Variants in SLC12A3 observed in about 807,000 individuals in gnomAD.
SLC12A3 encodes Na-Cl cotransporter.
In SLC12A3, 104 loss-of-function variants were observed where a neutral mutation model predicts 121.0. The observed-to-expected ratio is 0.86, with a 90% confidence interval of 0.73 to 1.01. SLC12A3 has a LOEUF of 1.01. SLC12A3 is among the 50% of genes least tolerant of loss of function. The pLI is 0.00. For synonymous variants in SLC12A3, 536 were observed against 533.4 expected (o/e 1.00, Z -0.07); for missense variants, 1,328 against 1,356.3 (o/e 0.98, Z 0.33).
chr16:56,882,575 G>T, intron 13 of SLC12A3, 78 bp downstream of exon 13: 1 of 1,105,594 alleles, frequency 9.0e-7, no homozygotes, highest in East Asian at 2.3e-5. Context: ...GGGAGTGGGA[G>T]GCATGGGTGG....
chr16:56,902,591 C>A, intron 24 of SLC12A3, 83 bp downstream of exon 24: 3 of 1,544,060 alleles, frequency 1.9e-6, no homozygotes, highest in Non-Finnish European at 2.7e-6. Context: ...CTCCCCCAGC[C>A]CCTCCCCTCG....
intron 17 of SLC12A3, 98 bp from the exon 18 acceptor site, chr16:56,887,827 G>C: frequency 3.1e-6 from 1 of 319,180 alleles, no homozygotes; most frequent in East Asian, 4.8e-5. Flanking sequence ...TTGAGAATCA[G>C]CACATCTGGA....
intron 14 of SLC12A3, 38 bp downstream of exon 14, chr16:56,884,242 C>A (rs770405709): frequency 1.9e-6 from 3 of 1,611,374 alleles, no homozygotes; most frequent in Non-Finnish European, 1.7e-6. Context: ...CCCTCCTCCC[C>A]CAGGGTAGCC....
rs143714318 is a variant in SLC12A3, at chr16:56,868,317, T to C, written c.450T>C (p.Ile150=). The C allele has an allele frequency of 9.9e-6, 16 of 1,613,952 alleles. No individual in the cohort carries two copies. The Admixed American group carries it at 1.2e-4, about 12-fold the overall frequency. ...KGVMIRCMLN[I]WGVILYLRLP... The stretch of plus-strand genomic sequence containing the variant: ...CCCAGATTCGTTGCATGCTCAACAT[T>C]TGGGGCGTGATCCTCTACCTGCGGC... Residue 150 remains isoleucine (I), a synonymous_variant, in exon 3 of 26, where the codon ATT becomes ATC. Coordinates refer to ENST00000563236, the MANE Select transcript of SLC12A3 (RefSeq NM_001126108.2).
chr16:56,910,992 T>G (rs2055677194), intron 25 of SLC12A3, among the ~76,000 whole-genome samples: 2 of 151,904 alleles, frequency 1.3e-5, no homozygotes, highest in African/African-American at 2.4e-5. Flanking sequence ...CTCGGACAGG[T>G]GGACAGGCTG....
At chr16:56,884,317 G>GCCCC in intron 14 of SLC12A3, 113 bp downstream of exon 14, 1 of 997,408 alleles carries the variant, frequency 1.0e-6, no homozygotes, top group Non-Finnish European at 1.5e-6. Context: ...GCTGTCCAGG[G>GCCCC]CCCCTCTCTG....
At position 56,867,121 on chromosome 16, in the gene SLC12A3, G is replaced by T. The variant is rs200219778; in HGVS notation, c.334G>T (p.Glu112Ter). 1.2e-5 allele frequency: 20 copies of T among 1,613,916 alleles called. No individual in the cohort carries two copies. The highest frequency in any genetic ancestry group is 1.6e-5 in the Non-Finnish European group (19 of 1,180,040). The change falls in exon 2 of 26, where the codon GAG becomes TAG. Residue 112 changes from glutamate to a stop codon, truncating the protein, a stop_gained. Coordinates refer to ENST00000563236, the MANE Select transcript of SLC12A3 (RefSeq NM_001126108.2). LOFTEE classifies it high-confidence loss of function. The stretch of plus-strand genomic sequence containing the variant: ...GGCCTTTGACAGCCGGCCCAGCCAC[G>T]AGATGACTGATGGGCTGGTGGAGGG... The part of the protein sequence containing the change: ...ALAFDSRPSH[E>*]MTDGLVEGEA...
intron 24 of SLC12A3, 23 bp downstream of exon 24, chr16:56,902,531 G>GGGGGGGGGCCCCC: frequency 1.4e-6 from 1 of 714,560 alleles, no homozygotes; most frequent in Non-Finnish European, 2.4e-6. Context: ...GTGGGGGTGG[G>GGGGGGGGGCCCCC]AAACGCGACA....
chr16:56,899,457 C>G, intron 22 of SLC12A3, 73 bp from the exon 23 acceptor site: 1 of 1,211,418 alleles, frequency 8.3e-7, no homozygotes, highest in South Asian at 1.2e-5. Flanking sequence ...CCACTGCACT[C>G]CAGCCTGGGA....
At chr16:56,869,988 C>A (rs2055069867) in intron 4 of SLC12A3, 108 bp from the exon 5 acceptor site, 29 of 1,474,890 alleles carry the variant, frequency 2.0e-5, no homozygotes, top group Non-Finnish European at 2.6e-5. Context: ...TCAGCTATCT[C>A]CTGCCCCGTG....
chr16:56,865,603 A>T (rs1312264775), intron 1 of SLC12A3, 86 bp downstream of exon 1: 8 of 1,440,298 alleles, frequency 5.6e-6, no homozygotes, highest in Middle Eastern at 3.7e-4. Context: ...CAGTTCTGTC[A>T]TCTGTGCCAT....
chr16:56,887,048 T>A lies in SLC12A3; in HGVS notation c.2133T>A (p.Asp711Glu). The A allele has an allele frequency of 6.2e-7, 1 of 1,614,024 alleles. No individual in the cohort carries two copies. Among genetic ancestry groups the A allele is most frequent in the Non-Finnish European group, 8.5e-7 (1 of 1,180,024 alleles). ...GGAAGATCAAGGCCTTCTACTCGGA[T>A]GTCATTGCCGAGGACCTCCGCAGAG... is the stretch of plus-strand genomic sequence containing the variant. ...NKRKIKAFYS[D>E]VIAEDLRRGV... The change falls in exon 17 of 26, where the codon GAT becomes GAA. Residue 711 changes from aspartate (D) to glutamate (E), a missense_variant. Asp to Glu is a conservative substitution (Grantham distance 45, BLOSUM62 2). Transcript: ENST00000563236.
Position 56,913,569 on chromosome 16 carries a change from C to T in SLC12A3, c.*164C>T. On this transcript the variant is annotated 3_prime_UTR_variant, in exon 26 of 26. Coordinates refer to ENST00000563236, the MANE Select transcript of SLC12A3 (RefSeq NM_001126108.2). ...TGGTAGATTTCCAAATCTGGCTGGA[C>T]TCCACTTCCATGGGACACATTCCCT... 1.3e-6 allele frequency: 1 copy of T among 753,184 alleles called. No homozygotes were observed. The highest frequency in any genetic ancestry group is 2.3e-6 in the Non-Finnish European group (1 of 426,052). The allele number at this position is 753,184 out of a possible 1,614,324, so 46.7% of individuals were successfully genotyped here.
rs540004549 is a variant in SLC12A3, at chr16:56,915,435, T to A, written c.*2030T>A. On this transcript the variant is annotated 3_prime_UTR_variant, in exon 26 of 26. Coordinates refer to ENST00000563236, the MANE Select transcript of SLC12A3 (RefSeq NM_001126108.2). ...AGAAGGCTTGGGGCTCCCAGGCTGC[T>A]CTGAAGCCCCACTGTCTGACCGCCT... 1.3e-5 allele frequency: 2 copies of A among 152,264 alleles called. No homozygotes were observed. The highest frequency in any genetic ancestry group is 1.3e-4 in the Admixed American group (2 of 15,286). 9.4% of individuals were successfully genotyped at this position (152,264 alleles called of 1,614,324 possible). A position where few individuals can be genotyped will look rare whatever the true frequency, so the allele number is the denominator to read the frequency against.
At chr16:56,897,386 G>A (rs541273669) in intron 22 of SLC12A3, among the ~76,000 whole-genome samples, 2 of 152,250 alleles carry the variant, frequency 1.3e-5, no homozygotes, top group South Asian at 4.1e-4. Flanking sequence ...ATGCCCCAGG[G>A]TCAGAGTAGG....
chr16:56,870,529 G>C, intron 5 of SLC12A3, 97 bp from the exon 6 acceptor site: 1 of 866,408 alleles, frequency 1.2e-6, no homozygotes. Flanking sequence ...CGTCCTAGCA[G>C]AGTGCACCGC....
intron 17 of SLC12A3, 78 bp from the exon 18 acceptor site, chr16:56,887,847 A>G (rs1468806379): frequency 1.5e-5 from 12 of 802,084 alleles, no homozygotes; most frequent in Non-Finnish European, 2.6e-5. Context: ...AGACATCAGA[A>G]AGTTGGGGCT....
chr16:56,894,643 G>GT lies in SLC12A3; in HGVS notation c.2633+2dup, dbSNP rs757755595. On this transcript the variant is annotated splice_donor_variant, in intron 22 of 25. Coordinates refer to ENST00000563236, the MANE Select transcript of SLC12A3 (RefSeq NM_001126108.2). LOFTEE classifies it high-confidence loss of function. ...ACAGGATGGACCAGGAGAGAAAGGC[G>GT]TAAGTGTGGAGGGCTGGCCTGGGGG... The GT allele has an allele frequency of 6.8e-6, 11 of 1,611,788 alleles. 1 individual carries two copies. Among genetic ancestry groups the GT allele is most frequent in the South Asian group, 3.3e-5 (3 of 90,978 alleles).
At chr16:56,881,653 C>A (rs1374767927) in intron 12 of SLC12A3, among the ~76,000 whole-genome samples, 3 of 151,896 alleles carry the variant, frequency 2.0e-5, no homozygotes, top group Non-Finnish European at 4.4e-5. Context: ...GGGAGGGGAA[C>A]AGGGAGACAG....
Sources: allele counts gnomAD v4.1 joint callset (sites outside exome capture counted in the v4.1 genomes callset), GRCh38; gene constraint gnomAD v4.1.1; transcripts MANE v1.5; gene names NCBI Gene and HGNC (gene_info 2026-07-23, HGNC 2026-07-21).